Variants in MYO15A observed in about 807,000 individuals in gnomAD.
MYO15A encodes the protein unconventional myosin-XV.
MYO15A carries 308 observed loss-of-function variants against 394.6 expected under a neutral mutation model. That is an observed-to-expected ratio of 0.78 (90% CI 0.71 to 0.86). The LOEUF (loss-of-function observed/expected upper bound fraction) is 0.86. Ranked by LOEUF, MYO15A falls within the 40% of genes least tolerant of loss-of-function variation. The pLI is 0.00. For missense variants in MYO15A, 4,606 were observed against 4,799.1 expected, an observed-to-expected ratio of 0.96 and a Z score of 1.19; for synonymous variants, 1,957 against 2,003.8, an observed-to-expected ratio of 0.98 and a Z score of 0.62.
chr17:18,130,994 G>A (rs932305873), intron 8 of MYO15A, among the ~76,000 whole-genome samples, 184 bp downstream of exon 8: 15 of 151,994 alleles, frequency 9.9e-5, no homozygotes, highest in Non-Finnish European at 1.6e-4. Flanking sequence ...TGCTGTGGGG[G>A]GCCATGGAGG....
rs1288241955 is a variant in MYO15A, at chr17:18,138,840, C to T, written c.5037C>T (p.Cys1679=). Residue 1679 remains cysteine, a synonymous_variant, in exon 18 of 66, where the codon TGC becomes TGT. Coordinates refer to ENST00000647165, the MANE Select transcript of MYO15A (RefSeq NM_016239.4). Reference sequence around the variant, plus strand: ...CAGACCACACCTTCCTACAGAAGTGCCACTACCATCATGGCGCCAACCCGC... The same window carrying T: ...CAGACCACACCTTCCTACAGAAGTGTCACTACCATCATGGCGCCAACCCGC... ...QATDHTFLQK[C]HYHHGANPLY... The T allele has an allele frequency of 1.2e-6, 2 of 1,613,878 alleles. No individual in the cohort carries two copies. Among genetic ancestry groups the T allele is most frequent in the South Asian group, 2.2e-5 (2 of 91,008 alleles).
Position 18,132,497 on chromosome 17 carries a change from C to A in MYO15A, c.4251C>A (p.Ala1417=). 1 of 1,613,958 alleles carries A rather than the reference C, an allele frequency of 6.2e-7. No individual in the cohort carries two copies. The highest frequency in any genetic ancestry group is 8.5e-7 in the Non-Finnish European group (1 of 1,180,046). Residue 1417 remains alanine (A), a synonymous_variant, in exon 11 of 66, where the codon GCC becomes GCA. Coordinates refer to ENST00000647165, the MANE Select transcript of MYO15A (RefSeq NM_016239.4). This position sits in a 1 kb window ranked among gnomAD's most constrained non-coding sequence, Gnocchi z 4.6. ...ACCACATCTTCTACGAGTTGCTGGCCGGGTTGCCTGCCCAGCTCAGGCAGG... is the reference window on the plus strand; with the variant it reads ...ACCACATCTTCTACGAGTTGCTGGCAGGGTTGCCTGCCCAGCTCAGGCAGG... ...RNYHIFYELL[A]GLPAQLRQAF...
At chr17:18,114,011 C>T (rs1161253332) in intron 1 of MYO15A, among the ~76,000 whole-genome samples, 3 of 152,166 alleles carry the variant, frequency 2.0e-5, no homozygotes, top group African/African-American at 7.2e-5. Context: ...TGGTGTACTG[C>T]AGCAATGAGC....
rs2046385836 is a variant in MYO15A at position 18,141,713 on chromosome 17, A to G, written c.5592A>G (p.Ser1864=). The part of the protein sequence containing the change: ...DLPANGDMCV[S]VLSRLCKVMP... ...CGGCTAATGGGGACATGTGTGTGTCAGTGCTGAGTCGCCTGTGCAAAGTCA... is the reference window on the plus strand; with the variant it reads ...CGGCTAATGGGGACATGTGTGTGTCGGTGCTGAGTCGCCTGTGCAAAGTCA... The change falls in exon 23 of 66, where the codon TCA becomes TCG. Residue 1864 remains serine (S), a synonymous_variant. Transcript: ENST00000647165. 1 of 1,614,128 alleles carries G rather than the reference A, an allele frequency of 6.2e-7. No individual in the cohort carries two copies. The highest frequency in any genetic ancestry group is 8.5e-7 in the Non-Finnish European group (1 of 1,180,030).
At position 18,132,666 on chromosome 17, in the gene MYO15A, A is replaced by C; in HGVS notation, c.4320+100A>C. On this transcript the variant is annotated intron_variant, in intron 11 of 65. Transcript: ENST00000647165. This position sits in a 1 kb window ranked among gnomAD's most constrained non-coding sequence, Gnocchi z 4.6. ...GCCGAGTTGTGAGTGATGGAGTGTGAAGGTGAAGGAGATTTGGGGAGGGTG... is the reference window on the plus strand; with the variant it reads ...GCCGAGTTGTGAGTGATGGAGTGTGCAGGTGAAGGAGATTTGGGGAGGGTG... The C allele has an allele frequency of 3.2e-6, 3 of 937,660 alleles. No individual in the cohort carries two copies. The highest frequency in any genetic ancestry group is 5.1e-6 in the Non-Finnish European group (3 of 590,042). The allele number at this position is 937,660 out of a possible 1,614,324, so 58.1% of individuals were successfully genotyped here. A position where few individuals can be genotyped will look rare whatever the true frequency, so the allele number is the denominator to read the frequency against.
intron 2 of MYO15A, chr17:18,124,148 G>A: frequency 2.6e-6 from 1 of 389,342 alleles, no homozygotes; most frequent in East Asian, 5.5e-5. Flanking sequence ...AACATATGGG[G>A]TCTGCTGGTG....
intron 60 of MYO15A, 99 bp from the exon 61 acceptor site, chr17:18,166,262 C>T (rs2046852320): frequency 3.9e-6 from 6 of 1,519,168 alleles, no homozygotes; most frequent in Non-Finnish European, 5.4e-6. Context: ...GATACCTCAC[C>T]TGGGTAGCAG....
At position 18,122,255 on chromosome 17, in the gene MYO15A, T is replaced by G; in HGVS notation, c.3455T>G (p.Leu1152Arg). The G allele has an allele frequency of 3.1e-6, 5 of 1,613,134 alleles. No individual in the cohort carries two copies. The highest frequency in any genetic ancestry group is 4.2e-6 in the Non-Finnish European group (5 of 1,180,020). Residue 1152 changes from leucine to arginine, a missense_variant, in exon 2 of 66, where the codon CTT (leucine) becomes CGT (arginine). Leu to Arg is a moderately radical substitution (Grantham distance 102). Transcript: ENST00000647165. ...IQDPKPRACSLRWSCLWLRAD... is the reference protein window; with the variant it reads ...IQDPKPRACSRRWSCLWLRAD... ...GACCCCAAGCCAAGAGCCTGTAGTCTTCGCTGGTCCTGCCTCTGGCTTCGG... is the reference window on the plus strand; with the variant it reads ...GACCCCAAGCCAAGAGCCTGTAGTCGTCGCTGGTCCTGCCTCTGGCTTCGG...
Position 18,148,274 on chromosome 17 carries a change from G to T in MYO15A, c.6691+64G>T. The T allele has an allele frequency of 6.3e-7, 1 of 1,599,458 alleles. No individual in the cohort carries two copies. ...GTCAGCAGGGCCCAGTGAGCCCCGG[G>T]GATGGCAGAAGCCACTGGATGTTCT... is the stretch of plus-strand genomic sequence containing the variant. On this transcript the variant is annotated intron_variant, in intron 31 of 65. Coordinates refer to ENST00000647165, the MANE Select transcript of MYO15A (RefSeq NM_016239.4). The surrounding 1 kb of genome is among the most constrained non-coding windows in gnomAD (Gnocchi z 4.8).
Position 18,153,562 on chromosome 17 carries a change from G to A in MYO15A, c.7967-213G>A. On this transcript the variant is annotated intron_variant, in intron 42 of 65. Transcript: ENST00000647165. The surrounding 1 kb of genome is among the most constrained non-coding windows in gnomAD (Gnocchi z 4.1). ...ACATACAAAAAATTAGCCAGGCGTC[G>A]TGGCGGGCGCCTGTAATCCCAGCTA... 3.7e-6 allele frequency: 1 copy of A among 268,800 alleles called. No homozygotes were observed. Among genetic ancestry groups the A allele is most frequent in the Non-Finnish European group, 6.3e-6 (1 of 158,304 alleles). 16.7% of individuals were successfully genotyped at this position (268,800 alleles called of 1,614,324 possible). A position where few individuals can be genotyped will look rare whatever the true frequency, so the allele number is the denominator to read the frequency against.
At position 18,120,671 on chromosome 17, in the gene MYO15A, C is replaced by T; in HGVS notation, c.1871C>T (p.Thr624Met). The change falls in exon 2 of 66, where the codon ACG becomes ATG. Residue 624 changes from threonine (T) to methionine (M), a missense_variant. By Grantham distance (81) the Thr-to-Met change is moderately conservative (BLOSUM62 -1). Transcript: ENST00000647165. ...LAGMDPEKPG[T>M]PIVLRRAQPR... is the part of the protein sequence containing the mutation. ...GGCATGGACCCCGAGAAGCCCGGCA[C>T]GCCCATCGTGCTGAGGAGGGCCCAG... 2 of 1,583,708 alleles carry T rather than the reference C, an allele frequency of 1.3e-6. No homozygotes were observed. The highest frequency in any genetic ancestry group is 8.5e-7 in the Non-Finnish European group (1 of 1,170,116).
chr17:18,166,310 ATG>A (rs745785893), intron 60 of MYO15A, 49 bp from the exon 61 acceptor site: 9 of 1,601,070 alleles, frequency 5.6e-6, no homozygotes, highest in Non-Finnish European at 7.6e-6. Context: ...AGGTGCACAC[ATG>A]TGTGTGCACA....
intron 7 of MYO15A, among the ~76,000 whole-genome samples, chr17:18,129,825 G>A (rs2046119162): frequency 6.6e-6 from 1 of 152,202 alleles, no homozygotes; most frequent in African/African-American, 2.4e-5. Context: ...CTTGTGATCA[G>A]CCATGGTCAC....
At chr17:18,141,830 C>T (rs2142340225) in intron 23 of MYO15A, 60 bp downstream of exon 23, 1 of 1,546,948 alleles carries the variant, frequency 6.5e-7, no homozygotes, top group South Asian at 1.1e-5. Flanking sequence ...TCCACAACTA[C>T]TGAGTCAGAA....
intron 1 of MYO15A, among the ~76,000 whole-genome samples, chr17:18,115,194 C>A (rs747427097): frequency 2.0e-5 from 3 of 152,224 alleles, no homozygotes; most frequent in Non-Finnish European, 2.9e-5. Flanking sequence ...CAGCATCCTA[C>A]CACTTCTCCA....
chr17:18,128,687 G>A (rs2046097718), intron 7 of MYO15A, among the ~76,000 whole-genome samples: 1 of 152,228 alleles, frequency 6.6e-6, no homozygotes, highest in East Asian at 1.9e-4. Context: ...ACAGTGCTGG[G>A]TTCCTTCAGT....
Position 18,122,209 on chromosome 17 carries a change from C to A in MYO15A, c.3409C>A (p.Pro1137Thr). 6.2e-7 allele frequency: 1 copy of A among 1,613,194 alleles called. No homozygotes were observed. The change falls in exon 2 of 66, where the codon CCT (proline) becomes ACT (threonine). Residue 1137 changes from proline to threonine, a missense_variant. Physicochemically the swap from Pro to Thr is conservative, Grantham distance 38 (BLOSUM62 -1). Coordinates refer to ENST00000647165, the MANE Select transcript of MYO15A (RefSeq NM_016239.4). ...GCGAGTTGGGCCTGCAACCCTGAAG[C>A]CTCAAGTCCAGCCCATTCAGGACCC... Reference protein sequence around the residue: ...FQRVGPATLKPQVQPIQDPKP... With the variant: ...FQRVGPATLKTQVQPIQDPKP...
chr17:18,142,874 C>A, intron 25 of MYO15A, 34 bp downstream of exon 25: 1 of 1,581,062 alleles, frequency 6.3e-7, no homozygotes, highest in Non-Finnish European at 8.6e-7. Context: ...TCCAAGGGGA[C>A]AGCAGAGAAG....
rs1291745405 is a variant in MYO15A, at chr17:18,140,681, G to A, written c.5360+16G>A. On this transcript the variant is annotated intron_variant, in intron 20 of 65. Transcript: ENST00000647165. Reference sequence around the variant, plus strand: ...AGATGGAGAGGTGGGGTGGGGGGCAGGTGGGCGGAGCACCCAGCCTCATCC... The same window carrying A: ...AGATGGAGAGGTGGGGTGGGGGGCAAGTGGGCGGAGCACCCAGCCTCATCC... 1 of 1,613,938 alleles carries A rather than the reference G, an allele frequency of 6.2e-7. No homozygotes were observed. Among genetic ancestry groups the A allele is most frequent in the Non-Finnish European group, 8.5e-7 (1 of 1,180,006 alleles).
Sources: gnomAD v4.1 joint callset for allele counts (sites outside exome capture counted in the v4.1 genomes callset) on GRCh38, gnomAD v4.1.1 for gene constraint, Gnocchi (gnomAD v3.1) non-coding constraint, MANE v1.5 for transcripts, NCBI Gene and HGNC (gene_info 2026-07-23, HGNC 2026-07-21) for gene names.